PARD3: variants seen among roughly 807,000 people sequenced by gnomAD.
PARD3 encodes the protein partitioning defective 3 homolog.
Under a neutral mutation model 155.4 loss-of-function variants are expected in PARD3, and 75 were observed. The ratio of observed to expected loss-of-function variants is 0.48; its 90% CI spans 0.40 to 0.58. The LOEUF (loss-of-function observed/expected upper bound fraction) is 0.58. Ranked by LOEUF, PARD3 falls within the 20% of genes least tolerant of loss-of-function variation. PARD3 has a pLI of 0.00. For missense variants in PARD3, 1,642 were observed against 1,721.7 expected (o/e 0.95, Z 0.82); for synonymous variants, 576 against 610.5 (o/e 0.94, Z 0.83).
intron 19 of PARD3, 57 bp downstream of exon 19, chr10:34,331,060 A>G (rs1835566352): frequency 7.2e-7 from 1 of 1,393,970 alleles, no homozygotes; most frequent in African/African-American, 1.4e-5. Flanking sequence ...CCTGGAGCTC[A>G]CTTTAAGAAA....
intron 19 of PARD3, among the ~76,000 whole-genome samples, chr10:34,329,443 A>T (rs1698719814): frequency 6.6e-6 from 1 of 152,194 alleles, no homozygotes; most frequent in African/African-American, 2.4e-5. Context: ...GTCAAGTAAT[A>T]TTGATTAGGA....
Position 34,258,837 on chromosome 10 carries a change from G to A in PARD3, c.3419+10820C>T, listed in dbSNP as rs145877158. ...TTCGGGAGGCCAAGGTGGGAGGATC[G>A]CTTAACCCAGGAGTTCAAGGCAGTA... On this transcript the variant is annotated intron_variant, in intron 22 of 24. Coordinates refer to ENST00000374788, the MANE Select transcript of PARD3 (RefSeq NM_001184785.2). Among the ~76,000 whole-genome samples the A allele has an allele frequency of 2.7e-3, 413 of 152,188 alleles. 1 individual carries two copies. The highest frequency in any genetic ancestry group is 5.0e-3 in the Non-Finnish European group (342 of 67,992).
At chr10:34,450,530 C>A in intron 4 of PARD3, 82 bp from the exon 5 acceptor site, 1 of 1,276,186 alleles carries the variant, frequency 7.8e-7, no homozygotes. Flanking sequence ...TCAAAAGTAG[C>A]AGAAAAATGA....
At position 34,794,492 on chromosome 10, in the gene PARD3, A is replaced by C. The variant is rs1842031538; in HGVS notation, c.120+20384T>G. Among the ~76,000 whole-genome samples, 3 of 152,230 alleles carry C rather than the reference A, an allele frequency of 2.0e-5. No individual in the cohort carries two copies. The South Asian group carries it at 6.2e-4, about 32-fold the overall frequency. ...CAGAAGTTCTATCAGTAAACAGATC[A>C]CTACAAGAACTGCCTTCTGAACACT... On this transcript the variant is annotated intron_variant, in intron 1 of 24. Transcript: ENST00000374788.
chr10:34,282,126 C>G (rs926833686), intron 21 of PARD3, among the ~76,000 whole-genome samples: 4 of 151,822 alleles, frequency 2.6e-5, no homozygotes, highest in Admixed American at 2.0e-4. Flanking sequence ...ACTCCACCTC[C>G]TAGTTCAGTC....
intron 1 of PARD3, among the ~76,000 whole-genome samples, chr10:34,700,960 G>C (rs1051714943): frequency 3.3e-5 from 5 of 152,098 alleles, no homozygotes; most frequent in African/African-American, 9.7e-5. Context: ...GAGCAACAGA[G>C]TGAGACTCCA....
intron 6 of PARD3, among the ~76,000 whole-genome samples, chr10:34,400,254 G>T (rs1048504669): frequency 6.6e-6 from 1 of 152,192 alleles, no homozygotes; most frequent in African/African-American, 2.4e-5. Context: ...TGGGACTACA[G>T]CTATGAAGCT....
intron 2 of PARD3, among the ~76,000 whole-genome samples, chr10:34,518,011 G>A (rs563262489): frequency 3.4e-4 from 51 of 152,014 alleles, no homozygotes; most frequent in Non-Finnish European, 3.1e-4. Context: ...CCCAAGTAGC[G>A]GGGATTACAG....
chr10:34,532,274 A>G lies in PARD3; in HGVS notation c.223-15115T>C, dbSNP rs1009208381. 3.3e-5 allele frequency among the ~76,000 whole-genome samples: 5 copies of G among 152,264 alleles called. No individual in the cohort carries two copies. In the East Asian group the frequency reaches 9.6e-4, roughly 29 times the overall value. ...TTTTCCTTATCTCGCTACATAGTTC[A>G]TCTAAAATTTTTAACATGCCAAATC... On this transcript the variant is annotated intron_variant, in intron 2 of 24. Coordinates refer to ENST00000374788, the MANE Select transcript of PARD3 (RefSeq NM_001184785.2).
At chr10:34,613,151 G>A (rs1196952316) in intron 2 of PARD3, among the ~76,000 whole-genome samples, 1 of 152,104 alleles carries the variant, frequency 6.6e-6, no homozygotes, top group African/African-American at 2.4e-5. Context: ...ATCATTTCAA[G>A]TTATTTTAAA....
chr10:34,805,497 T>G (rs1588844879), intron 1 of PARD3, among the ~76,000 whole-genome samples: 1 of 150,774 alleles, frequency 6.6e-6, no homozygotes. Context: ...ATGACTTAAA[T>G]TTATACCACC....
At chr10:34,618,940 C>G (rs1240373249) in intron 2 of PARD3, among the ~76,000 whole-genome samples, 1 of 152,170 alleles carries the variant, frequency 6.6e-6, no homozygotes, top group Non-Finnish European at 1.5e-5. Flanking sequence ...AAGGTTTCCT[C>G]TTTGTCCTCA....
At chr10:34,572,603 T>A (rs978189711) in intron 2 of PARD3, among the ~76,000 whole-genome samples, 2 of 148,026 alleles carry the variant, frequency 1.4e-5, no homozygotes, top group African/African-American at 2.5e-5. Flanking sequence ...ATCATATCAC[T>A]GCACTCCAGC....
intron 5 of PARD3, among the ~76,000 whole-genome samples, chr10:34,423,016 A>G (rs75966062): frequency 1.1e-4 from 16 of 152,306 alleles, no homozygotes; most frequent in African/African-American, 3.6e-4. Flanking sequence ...ATTAGCGAAG[A>G]CATGGAATCA....
chr10:34,138,612 T>C (rs1778874), intron 22 of PARD3, among the ~76,000 whole-genome samples: 77,611 of 152,070 alleles, frequency 0.51, 20,933 homozygotes, highest in Non-Finnish European at 0.6. Flanking sequence ...AGGTAATCCC[T>C]GTTAACATTT....
intron 1 of PARD3, among the ~76,000 whole-genome samples, chr10:34,720,784 C>A (rs1045778146): frequency 1.3e-5 from 2 of 149,392 alleles, no homozygotes; most frequent in African/African-American, 4.9e-5. Flanking sequence ...GCAACAAGAG[C>A]GAAACTCTGT....
chr10:34,491,091 T>A (rs942799351), intron 3 of PARD3, among the ~76,000 whole-genome samples: 1 of 152,148 alleles, frequency 6.6e-6, no homozygotes, highest in African/African-American at 2.4e-5. Flanking sequence ...TGCATTTCCA[T>A]CAAGTCCCCA....
At chr10:34,640,478 G>A (rs908548508) in intron 2 of PARD3, among the ~76,000 whole-genome samples, 4 of 151,356 alleles carry the variant, frequency 2.6e-5, no homozygotes, top group Middle Eastern at 3.4e-3. Flanking sequence ...TTAGCTGGGC[G>A]TGGTGGCATG....
At chr10:34,608,043 AG>A (rs2090601864) in intron 2 of PARD3, among the ~76,000 whole-genome samples, 1 of 152,164 alleles carries the variant, frequency 6.6e-6, no homozygotes, top group Non-Finnish European at 1.5e-5. Context: ...AGTAATCCTG[AG>A]GAAGAGTCTT....
Sources: allele counts gnomAD v4.1 joint callset (sites outside exome capture counted in the v4.1 genomes callset), GRCh38; gene constraint gnomAD v4.1.1; transcripts MANE v1.5; gene names NCBI Gene and HGNC (gene_info 2026-07-23, HGNC 2026-07-21).